Variants in RFT1 observed in about 807,000 individuals in gnomAD.
RFT1 encodes the protein man(5)GlcNAc(2)-PP-dolichol translocation protein RFT1.
Under a neutral mutation model 62.2 loss-of-function variants are expected in RFT1, and 43 were observed. That is an observed-to-expected ratio of 0.69 (90% CI 0.54 to 0.89). The LOEUF (loss-of-function observed/expected upper bound fraction) is 0.89, where lower values mean the gene tolerates loss of function less well. Ranked by LOEUF, RFT1 falls within the 40% of genes least tolerant of loss-of-function variation. The pLI is 0.00. For missense variants in RFT1, 605 were observed against 649.9 expected (o/e 0.93, Z 0.75); for synonymous variants, 262 against 264.6 (o/e 0.99, Z 0.10).
intron 10 of RFT1, among the ~76,000 whole-genome samples, chr3:53,102,957 GC>G (rs1398075473): frequency 1.3e-5 from 2 of 152,182 alleles, no homozygotes; most frequent in African/African-American, 4.8e-5. Flanking sequence ...CCCAATCTCT[GC>G]CCATAAACTT....
At chr3:53,129,972 A>C (rs1221240353) in intron 1 of RFT1, among the ~76,000 whole-genome samples, 1 of 152,206 alleles carries the variant, frequency 6.6e-6, no homozygotes. Context: ...AGTTTGAGGA[A>C]GGTGTTTGAT....
At chr3:53,067,653 C>CA in the RFT1 span, among the ~76,000 whole-genome samples, 1 of 152,150 alleles carries the variant, frequency 6.6e-6, no homozygotes, top group African/African-American at 2.4e-5. Context: ...AGTTACTCCT[C>CA]AGTAAGAGAA....
intron 7 of RFT1, among the ~76,000 whole-genome samples, chr3:53,110,216 T>A (rs574297389): frequency 6.6e-5 from 10 of 152,250 alleles, no homozygotes; most frequent in Non-Finnish European, 1.3e-4. Context: ...AAAATGCATA[T>A]GAGCAACCGT....
At chr3:53,117,608 G>A (rs1701846081) in intron 6 of RFT1, among the ~76,000 whole-genome samples, 1 of 152,194 alleles carries the variant, frequency 6.6e-6, no homozygotes, top group Non-Finnish European at 1.5e-5. Context: ...TACTTTCAGA[G>A]CATATTGCCA....
At chr3:53,078,534 T>C in the RFT1 span, among the ~76,000 whole-genome samples, 1 of 151,868 alleles carries the variant, frequency 6.6e-6, no homozygotes, top group African/African-American at 2.4e-5. Context: ...GGATCAAGAG[T>C]GTGAGACTAG....
chr3:53,125,219 T>C (rs1702076317), intron 2 of RFT1, among the ~76,000 whole-genome samples: 1 of 152,212 alleles, frequency 6.6e-6, no homozygotes. Context: ...AAATGCTGTC[T>C]GGAACATATT....
At chr3:53,068,145 G>T in the RFT1 span, among the ~76,000 whole-genome samples, 2 of 152,122 alleles carry the variant, frequency 1.3e-5, no homozygotes, top group African/African-American at 2.4e-5. Flanking sequence ...ATGCAGGAGG[G>T]GACAGGGCTT....
At chr3:53,106,998 C>T (rs1701497114) in intron 7 of RFT1, 129 bp from the exon 8 acceptor site, 1 of 716,816 alleles carries the variant, frequency 1.4e-6, no homozygotes, top group Non-Finnish European at 2.5e-6. Flanking sequence ...CAGTTAAAGA[C>T]ATGTCCTTGT....
chr3:53,093,785 T>C (rs1232614591), intron 11 of RFT1, among the ~76,000 whole-genome samples: 1 of 152,020 alleles, frequency 6.6e-6, no homozygotes, highest in African/African-American at 2.4e-5. Flanking sequence ...ACTCGGGAGG[T>C]TGAAGCGGGA....
the RFT1 span, among the ~76,000 whole-genome samples, chr3:53,075,228 T>C: frequency 6.6e-6 from 1 of 152,202 alleles, no homozygotes; most frequent in Non-Finnish European, 1.5e-5. Flanking sequence ...TACTTTCTTC[T>C]TCCCCACTTA....
At position 53,099,218 on chromosome 3, in the gene RFT1, G is replaced by A. The variant is rs556635156; in HGVS notation, c.1208+163C>T. On this transcript the variant is annotated intron_variant, in intron 11 of 12. Coordinates refer to ENST00000296292, the MANE Select transcript of RFT1 (RefSeq NM_052859.4). ...TGGGGAGCACTTGCTGAACCATGCT[G>A]GTGCCACAGAGATCCCAGGGGAGCA... 7.2e-5 allele frequency among the ~76,000 whole-genome samples: 11 copies of A among 152,308 alleles called. No individual in the cohort carries two copies. In the South Asian group the frequency reaches 2.1e-3, roughly 29 times the overall value.
the RFT1 span, among the ~76,000 whole-genome samples, chr3:53,069,480 A>C: frequency 1.3e-5 from 2 of 152,240 alleles, no homozygotes; most frequent in African/African-American, 4.8e-5. Context: ...AAAATGGGGA[A>C]AGGATATAAG....
At chr3:53,073,036 G>C in the RFT1 span, among the ~76,000 whole-genome samples, 1 of 152,226 alleles carries the variant, frequency 6.6e-6, no homozygotes, top group Non-Finnish European at 1.5e-5. Context: ...AGTCCTGGGG[G>C]GCCCTGCTTC....
chr3:53,103,948 C>T lies in RFT1; in HGVS notation c.1102+5G>A, dbSNP rs947230997. The T allele has an allele frequency of 1.2e-5, 19 of 1,614,016 alleles. No individual in the cohort carries two copies. Among genetic ancestry groups the T allele is most frequent in the South Asian group, 5.5e-5 (5 of 91,082 alleles). Reference sequence around the variant, plus strand: ...GAAAAAATCCAGAAAAACTCTTGTGCGTACCGGATCCTGAGCTAAGCATGG... The same window carrying T: ...GAAAAAATCCAGAAAAACTCTTGTGTGTACCGGATCCTGAGCTAAGCATGG... On this transcript the variant is annotated splice_donor_5th_base_variant and intron_variant, in intron 10 of 12. Transcript: ENST00000296292.
At chr3:53,098,316 G>A (rs1701199501) in intron 11 of RFT1, among the ~76,000 whole-genome samples, 1 of 152,186 alleles carries the variant, frequency 6.6e-6, no homozygotes, top group African/African-American at 2.4e-5. Flanking sequence ...ACTGAGACCT[G>A]CTGGTCTGGA....
At chr3:53,098,630 A>G (rs530614133) in intron 11 of RFT1, among the ~76,000 whole-genome samples, 1,833 of 151,996 alleles carry the variant, frequency 0.012, 13 homozygotes, top group Non-Finnish European at 0.016. Context: ...GTGAAACCCC[A>G]TCTCTACTAA....
downstream of RFT1, among the ~76,000 whole-genome samples, chr3:53,084,647 A>G (rs534633852): frequency 2.0e-4 from 31 of 152,332 alleles, no homozygotes; most frequent in African/African-American, 7.0e-4. Context: ...AGCAGATTAA[A>G]GGTGAGAGGC....
the RFT1 span, among the ~76,000 whole-genome samples, chr3:53,072,985 A>G: frequency 6.6e-6 from 1 of 152,216 alleles, no homozygotes; most frequent in African/African-American, 2.4e-5. Flanking sequence ...GGCTGGCCCC[A>G]TGAGCTGACA....
intron 1 of RFT1, among the ~76,000 whole-genome samples, chr3:53,127,467 C>T (rs1053646267): frequency 2.6e-5 from 4 of 152,102 alleles, no homozygotes; most frequent in African/African-American, 7.2e-5. Flanking sequence ...TTTGGAAGGC[C>T]GAGGCTGGCG....
Sources: gnomAD v4.1 joint callset for allele counts (sites outside exome capture counted in the v4.1 genomes callset) on GRCh38, gnomAD v4.1.1 for gene constraint, MANE v1.5 for transcripts, NCBI Gene and HGNC (gene_info 2026-07-23, HGNC 2026-07-21) for gene names.